SVOP: variants seen among roughly 807,000 people sequenced by gnomAD.
SVOP encodes the protein synaptic vesicle 2-related protein.
SVOP carries 17 observed loss-of-function variants against 69.1 expected under a neutral mutation model. The observed-to-expected ratio is 0.25, with a 90% CI of 0.17 to 0.37. The LOEUF (loss-of-function observed/expected upper bound fraction) is 0.37. Ranked by LOEUF, SVOP falls within the 10% of genes least tolerant of loss-of-function variation. SVOP has a pLI of 1.00. For missense variants in SVOP, 435 were observed against 597.5 expected (o/e 0.73, Z 2.84); for synonymous variants, 238 against 238.6 (o/e 1.00, Z 0.02).
chr12:108,975,711 T>C (rs563589410), intron 4 of SVOP, among the ~76,000 whole-genome samples: 15 of 152,084 alleles, frequency 9.9e-5, no homozygotes, highest in Non-Finnish European at 2.1e-4. Context: ...ATTATTATTG[T>C]TGTTATTTGA....
intron 1 of SVOP, among the ~76,000 whole-genome samples, chr12:108,998,778 A>T (rs2040251041): frequency 6.7e-6 from 1 of 150,340 alleles, no homozygotes; most frequent in South Asian, 2.1e-4. Flanking sequence ...TTTTGTCACC[A>T]CCAGGCCTGC....
intron 8 of SVOP, 98 bp downstream of exon 8, chr12:108,940,686 G>C (rs2039885228): frequency 6.9e-7 from 1 of 1,459,834 alleles, no homozygotes; most frequent in African/African-American, 1.4e-5. Flanking sequence ...AATCTTGAAA[G>C]GTGGCTTTGG....
chr12:108,975,759 T>A (rs1445858536), intron 4 of SVOP, among the ~76,000 whole-genome samples: 2 of 151,986 alleles, frequency 1.3e-5, no homozygotes, highest in Non-Finnish European at 1.5e-5. Context: ...TGGAATGGAG[T>A]GGTGAAATCT....
intron 1 of SVOP, among the ~76,000 whole-genome samples, chr12:108,986,919 G>C (rs907650096): frequency 6.6e-6 from 1 of 152,158 alleles, no homozygotes; most frequent in Non-Finnish European, 1.5e-5. Flanking sequence ...ACATTGGTGT[G>C]ATAGTTGTGC....
At chr12:108,961,156 A>C in intron 5 of SVOP, 109 bp from the exon 6 acceptor site, 9 of 1,360,548 alleles carry the variant, frequency 6.6e-6, no homozygotes, top group Non-Finnish European at 8.7e-6. Context: ...GGGAGCCTAC[A>C]CAACCAAGGG....
chr12:108,913,936 C>T (rs1032342360), intron 15 of SVOP, among the ~76,000 whole-genome samples: 3 of 152,204 alleles, frequency 2.0e-5, no homozygotes, highest in African/African-American at 7.2e-5. Flanking sequence ...CAGCTGTGAG[C>T]CACCATGCCC....
At chr12:108,980,584 A>AC in intron 2 of SVOP, among the ~76,000 whole-genome samples, 1 of 132,982 alleles carries the variant, frequency 7.5e-6, no homozygotes, top group East Asian at 2.0e-4. Flanking sequence ...CCCCGTCTCT[A>AC]CTGAAAATAC....
chr12:108,941,125 G>T (rs1210975118), intron 7 of SVOP, among the ~76,000 whole-genome samples: 1 of 152,170 alleles, frequency 6.6e-6, no homozygotes, highest in Non-Finnish European at 1.5e-5. Flanking sequence ...TATAATATTT[G>T]CATGGCACCT....
chr12:108,915,246 G>T (rs1047222635), intron 15 of SVOP, among the ~76,000 whole-genome samples: 2 of 151,302 alleles, frequency 1.3e-5, no homozygotes, highest in African/African-American at 4.9e-5. Flanking sequence ...CAGATATATT[G>T]CATGATGCTG....
chr12:108,929,093 C>A (rs1336917492), intron 11 of SVOP, among the ~76,000 whole-genome samples: 1 of 152,184 alleles, frequency 6.6e-6, no homozygotes, highest in South Asian at 2.1e-4. Flanking sequence ...CACAAAGATA[C>A]TCAGGCTTAA....
At chr12:108,989,093 G>T (rs1050037999) in intron 1 of SVOP, among the ~76,000 whole-genome samples, 1 of 151,510 alleles carries the variant, frequency 6.6e-6, no homozygotes, top group African/African-American at 2.4e-5. Context: ...CTTTTGAGAC[G>T]GAGTCTCGCT....
chr12:108,936,568 T>C (rs1028155948), intron 10 of SVOP, among the ~76,000 whole-genome samples: 2 of 151,962 alleles, frequency 1.3e-5, no homozygotes, highest in African/African-American at 4.8e-5. Context: ...CTCAACCTCC[T>C]GGGCTCAAGT....
At chr12:108,975,919 T>C (rs926160983) in intron 4 of SVOP, among the ~76,000 whole-genome samples, 1 of 152,084 alleles carries the variant, frequency 6.6e-6, no homozygotes, top group Non-Finnish European at 1.5e-5. Flanking sequence ...CAGCCTGGTC[T>C]TGAACTCCTG....
chr12:108,913,111 G>T (rs924391342), intron 15 of SVOP, among the ~76,000 whole-genome samples: 1 of 151,396 alleles, frequency 6.6e-6, no homozygotes, highest in Non-Finnish European at 1.5e-5. Flanking sequence ...CATTCTTGTT[G>T]CCCAGACTGG....
intron 11 of SVOP, among the ~76,000 whole-genome samples, chr12:108,923,834 T>A (rs992793054): frequency 6.6e-6 from 1 of 152,110 alleles, no homozygotes; most frequent in Non-Finnish European, 1.5e-5. Flanking sequence ...CAAGATCTCA[T>A]CCCTGTTCCA....
In SVOP at chr12:108,934,220, G is replaced by A; in HGVS notation, c.1023C>T (p.Leu341=). Residue 341 remains leucine (L), a synonymous_variant, in exon 11 of 16, where the codon CTC becomes CTT. Transcript: ENST00000610966. ...YYGLVLLTTE[L]FQAGDVCGIS... ...TGCCGCAGACATCTCCTGCCTGGAAGAGTTCTGTGGTGAGTAGAACTAACC... is the reference window on the plus strand; with the variant it reads ...TGCCGCAGACATCTCCTGCCTGGAAAAGTTCTGTGGTGAGTAGAACTAACC... 6.2e-7 allele frequency: 1 copy of A among 1,606,490 alleles called. No homozygotes were observed. The highest frequency in any genetic ancestry group is 1.1e-5 in the South Asian group (1 of 88,996).
chr12:108,954,490 C>T (rs2039974678), intron 6 of SVOP, among the ~76,000 whole-genome samples: 1 of 152,042 alleles, frequency 6.6e-6, no homozygotes, highest in African/African-American at 2.4e-5. Flanking sequence ...GGGGAAAGGC[C>T]CTCCTAGCTC....
At chr12:108,968,090 A>C (rs148498511) in intron 5 of SVOP, among the ~76,000 whole-genome samples, 2,458 of 152,330 alleles carry the variant, frequency 0.016, 27 homozygotes, top group Non-Finnish European at 0.026. Context: ...AACACTCATC[A>C]GGCAGTTGCT....
chr12:108,990,694 A>AAAAT lies in SVOP; in HGVS notation c.36-6937_36-6934dup, dbSNP rs1249656827. On this transcript the variant is annotated intron_variant, in intron 1 of 15. Transcript: ENST00000610966. Reference sequence around the variant, plus strand: ...ATAAAATAAAATAAAACAAAACAGAAAAATAAATAAATAAATAAATAAACA... The same window carrying AAAAT: ...ATAAAATAAAATAAAACAAAACAGAAAAATAAATAAATAAATAAATAAATAAACA... Among the ~76,000 whole-genome samples, 85 of 148,394 alleles carry AAAAT rather than the reference A, an allele frequency of 5.7e-4. 1 individual carries two copies. The highest frequency in any genetic ancestry group is 4.7e-3 in the East Asian group (24 of 5,140).
Sources: allele counts gnomAD v4.1 joint callset (sites outside exome capture counted in the v4.1 genomes callset), GRCh38; gene constraint gnomAD v4.1.1; transcripts MANE v1.5; gene names NCBI Gene and HGNC (gene_info 2026-07-23, HGNC 2026-07-21).